FAM20A: variants seen among roughly 807,000 people sequenced by gnomAD.
The protein encoded by FAM20A is pseudokinase FAM20A.
In FAM20A, 42 loss-of-function variants were observed where a neutral mutation model predicts 52.0. The ratio of observed to expected loss-of-function variants is 0.81; its 90% CI spans 0.63 to 1.04. FAM20A has a LOEUF of 1.04. Ranked by LOEUF, FAM20A falls within the 50% of genes least tolerant of loss-of-function variation. The pLI is 0.00. For missense variants in FAM20A, 742 were observed against 712.7 expected (o/e 1.04, Z -0.47); for synonymous variants, 304 against 298.9 (o/e 1.02, Z -0.18).
chr17:68,598,661 A>G (rs2088526145), intron 1 of FAM20A, among the ~76,000 whole-genome samples: 1 of 152,194 alleles, frequency 6.6e-6, no homozygotes, highest in South Asian at 2.1e-4. Flanking sequence ...AATCAAGCTT[A>G]AAACTGATTG....
chr17:68,562,465 G>T (rs1435611291), intron 1 of FAM20A, among the ~76,000 whole-genome samples: 1 of 152,146 alleles, frequency 6.6e-6, no homozygotes, highest in East Asian at 1.9e-4. Flanking sequence ...CTCAATGATG[G>T]TGCTCCTTGG....
chr17:68,600,882 A>G lies in FAM20A; in HGVS notation c.-216T>C. 1 of 514,250 alleles carries G rather than the reference A, an allele frequency of 1.9e-6. No homozygotes were observed. The highest frequency in any genetic ancestry group is 3.4e-6 in the Non-Finnish European group (1 of 298,436). 31.9% of individuals were successfully genotyped at this position (514,250 alleles called of 1,614,324 possible). ...ACGGAGCACCGGGGCTCTCGGAGTC[A>G]GCGGGCGTCGCTTCTCCGCGCCGAG... On this transcript the variant is annotated 5_prime_UTR_variant, in exon 1 of 11. Transcript: ENST00000592554. The surrounding 1 kb of genome is among the most constrained non-coding windows in gnomAD (Gnocchi z 6.2).
chr17:68,571,962 A>G (rs1368891254), intron 1 of FAM20A, among the ~76,000 whole-genome samples: 2 of 136,100 alleles, frequency 1.5e-5, no homozygotes, highest in African/African-American at 2.6e-5. Context: ...GTGTGTGTGT[A>G]TATATATGTG....
At chr17:68,590,682 A>G (rs2088279019) in intron 1 of FAM20A, among the ~76,000 whole-genome samples, 1 of 152,238 alleles carries the variant, frequency 6.6e-6, no homozygotes, top group African/African-American at 2.4e-5. Flanking sequence ...CAGCAGCCAT[A>G]GGAGTCAGTG....
At chr17:68,589,804 A>G (rs1316886347) in intron 1 of FAM20A, among the ~76,000 whole-genome samples, 1 of 152,244 alleles carries the variant, frequency 6.6e-6, no homozygotes, top group Non-Finnish European at 1.5e-5. Context: ...AAGTTAATCA[A>G]TGAAAACAAG....
intron 1 of FAM20A, among the ~76,000 whole-genome samples, chr17:68,571,969 T>A: frequency 7.8e-6 from 1 of 128,544 alleles, no homozygotes; most frequent in African/African-American, 2.8e-5. Flanking sequence ...TGTATATATA[T>A]GTGTGTGTAT....
intron 1 of FAM20A, among the ~76,000 whole-genome samples, chr17:68,564,159 G>A (rs2143762117): frequency 6.6e-6 from 1 of 152,138 alleles, no homozygotes; most frequent in South Asian, 2.1e-4. Flanking sequence ...CCCCCCACGA[G>A]ATACATATTC....
At chr17:68,552,066 T>C (rs1286791730) in intron 3 of FAM20A, 115 bp from the exon 4 acceptor site, 5 of 712,062 alleles carry the variant, frequency 7.0e-6, no homozygotes, top group Non-Finnish European at 1.3e-5. Context: ...AATGAGACCC[T>C]AAAGACTAGG....
intron 9 of FAM20A, 44 bp downstream of exon 9, chr17:68,539,841 A>G (rs765194204): frequency 9.5e-6 from 15 of 1,586,038 alleles, no homozygotes; most frequent in Non-Finnish European, 1.2e-5. Context: ...ACAGAGCAGC[A>G]CATCTGGGAG....
chr17:68,536,112 T>A lies in FAM20A; in HGVS notation c.*1365A>T, dbSNP rs1165822768. 1 of 454,096 alleles carries A rather than the reference T, an allele frequency of 2.2e-6. No individual in the cohort carries two copies. Among genetic ancestry groups the A allele is most frequent in the Non-Finnish European group, 4.4e-6 (1 of 226,778 alleles). 28.1% of individuals were successfully genotyped at this position (454,096 alleles called of 1,614,324 possible). A position where few individuals can be genotyped will look rare whatever the true frequency, so the allele number is the denominator to read the frequency against. ...AAGTCCAGGGGCAGCATACCAGTCATGTGGGGGTACCACGGGGTCAGAAGT... is the reference window on the plus strand; with the variant it reads ...AAGTCCAGGGGCAGCATACCAGTCAAGTGGGGGTACCACGGGGTCAGAAGT... On this transcript the variant is annotated 3_prime_UTR_variant, in exon 11 of 11. Coordinates refer to ENST00000592554, the MANE Select transcript of FAM20A (RefSeq NM_017565.4).
intron 1 of FAM20A, among the ~76,000 whole-genome samples, chr17:68,572,018 A>ATATC (rs2087572083): frequency 2.6e-5 from 3 of 115,778 alleles, no homozygotes; most frequent in African/African-American, 1.0e-4. Flanking sequence ...ATATATATAT[A>ATATC]TATATATATA....
At chr17:68,567,380 C>T (rs1248022248) in intron 1 of FAM20A, among the ~76,000 whole-genome samples, 1 of 151,954 alleles carries the variant, frequency 6.6e-6, no homozygotes, top group Non-Finnish European at 1.5e-5. Context: ...AAAACATCTA[C>T]ATTCAACATG....
Position 68,568,674 on chromosome 17 carries a change from T to C in FAM20A, c.405-12931A>G, listed in dbSNP as rs569242528. 4.0e-5 allele frequency among the ~76,000 whole-genome samples: 6 copies of C among 151,796 alleles called. No homozygotes were observed. In the East Asian group the frequency reaches 9.7e-4, roughly 25 times the overall value. On this transcript the variant is annotated intron_variant, in intron 1 of 10. Coordinates refer to ENST00000592554, the MANE Select transcript of FAM20A (RefSeq NM_017565.4). ...ATGGTGGTTCCAGGCATCCCTGGTC[T>C]TGTGGCCACATCATGCTAATCTCTG...
At chr17:68,578,595 T>A (rs1400099632) in intron 1 of FAM20A, among the ~76,000 whole-genome samples, 1 of 152,130 alleles carries the variant, frequency 6.6e-6, no homozygotes. Flanking sequence ...AGAAGATAGC[T>A]GGGCCTTTGT....
intron 1 of FAM20A, among the ~76,000 whole-genome samples, chr17:68,592,542 G>A (rs1206258248): frequency 6.6e-6 from 1 of 152,150 alleles, no homozygotes; most frequent in Non-Finnish European, 1.5e-5. Context: ...GACGATTGAA[G>A]GTAAATTTGC....
rs1247751628 is a variant in FAM20A at position 68,537,261 on chromosome 17, G to GA, written c.*215dup. The GA allele has an allele frequency of 7.0e-6, 5 of 713,916 alleles. No individual in the cohort carries two copies. Among genetic ancestry groups the GA allele is most frequent in the Non-Finnish European group, 1.2e-5 (5 of 403,812 alleles). The allele number at this position is 713,916 out of a possible 1,614,324, so 44.2% of individuals were successfully genotyped here. A position where few individuals can be genotyped will look rare whatever the true frequency, so the allele number is the denominator to read the frequency against. ...CCTTGATGAAGCCAGTGCTTTTTGG[G>GA]AAAAACGGAGCAAGGCAACGCACGA... On this transcript the variant is annotated 3_prime_UTR_variant, in exon 11 of 11. Transcript: ENST00000592554. The surrounding 1 kb of genome is among the most constrained non-coding windows in gnomAD (Gnocchi z 4.2).
In FAM20A at chr17:68,541,977, C is replaced by A. The variant is rs1041467232; in HGVS notation, c.1109+8G>T. On this transcript the variant is annotated splice_region_variant and intron_variant, in intron 7 of 10. Transcript: ENST00000592554. ...GGACTGGGCTGTGTGGCCTGGGGACCAACTCACTCCTCTTTTCCTGCCAGT... is the reference window on the plus strand; with the variant it reads ...GGACTGGGCTGTGTGGCCTGGGGACAAACTCACTCCTCTTTTCCTGCCAGT... The A allele has an allele frequency of 1.2e-6, 2 of 1,611,810 alleles. No homozygotes were observed.
intron 9 of FAM20A, 83 bp downstream of exon 9, chr17:68,539,802 G>T (rs2086208838): frequency 1.5e-6 from 2 of 1,324,802 alleles, no homozygotes; most frequent in Non-Finnish European, 1.1e-6. Context: ...CATTTGCAGG[G>T]CGTCTGTTTC....
intron 1 of FAM20A, among the ~76,000 whole-genome samples, chr17:68,586,352 C>T (rs2088165137): frequency 6.6e-6 from 1 of 152,060 alleles, no homozygotes; most frequent in African/African-American, 2.4e-5. Context: ...TGTCATGGAA[C>T]ATGATTCAAG....
Sources: gnomAD v4.1 joint callset for allele counts (sites outside exome capture counted in the v4.1 genomes callset) on GRCh38, gnomAD v4.1.1 for gene constraint, Gnocchi (gnomAD v3.1) non-coding constraint, MANE v1.5 for transcripts, NCBI Gene and HGNC (gene_info 2026-07-23, HGNC 2026-07-21) for gene names.